PKHD1L1: variants seen among roughly 807,000 people sequenced by gnomAD.
The protein encoded by PKHD1L1 is fibrocystin-L.
A neutral mutation model predicts 462.9 loss-of-function variants in PKHD1L1; 434 were observed. The ratio of observed to expected loss-of-function variants is 0.94; its 90% CI spans 0.87 to 1.02. PKHD1L1 has a LOEUF of 1.02. PKHD1L1 is among the 50% of genes least tolerant of loss of function. PKHD1L1 has a pLI of 0.00. For missense variants in PKHD1L1, 5,202 were observed against 5,096.1 expected (o/e 1.02, Z -0.63); for synonymous variants, 1,781 against 1,750.0 (o/e 1.02, Z -0.44).
At chr8:109,395,432 T>C (rs997020121) in intron 10 of PKHD1L1, among the ~76,000 whole-genome samples, 3 of 152,224 alleles carry the variant, frequency 2.0e-5, no homozygotes, top group Admixed American at 6.5e-5. Flanking sequence ...ATGTGATAAC[T>C]TTTTGTGAAT....
intron 7 of PKHD1L1, 27 bp downstream of exon 7, chr8:109,388,577 C>T: frequency 2.8e-6 from 4 of 1,440,218 alleles, no homozygotes; most frequent in African/African-American, 1.4e-5. Context: ...ATTTTCTTTA[C>T]AAAAACAAAT....
At chr8:109,479,207 C>T (rs1432016929) in intron 53 of PKHD1L1, among the ~76,000 whole-genome samples, 2 of 152,102 alleles carry the variant, frequency 1.3e-5, no homozygotes, top group Non-Finnish European at 2.9e-5. Context: ...TCTGTCCTCC[C>T]ATACACTTGA....
chr8:109,368,211 G>A (rs576188628), intron 2 of PKHD1L1, among the ~76,000 whole-genome samples: 90 of 152,100 alleles, frequency 5.9e-4, no homozygotes, highest in Non-Finnish European at 8.5e-4. Context: ...TTTACTTTTG[G>A]CTCCTTTTTC....
At chr8:109,434,154 C>T (rs116842945) in intron 28 of PKHD1L1, among the ~76,000 whole-genome samples, 9 of 152,034 alleles carry the variant, frequency 5.9e-5, no homozygotes, top group Admixed American at 1.3e-4. Flanking sequence ...ATGTAGGTGA[C>T]GGGTTAATGG....
chr8:109,501,499 G>T (rs900758389), intron 67 of PKHD1L1, among the ~76,000 whole-genome samples: 1 of 152,188 alleles, frequency 6.6e-6, no homozygotes, highest in Admixed American at 6.5e-5. Flanking sequence ...TTCCAGGGTG[G>T]AATAAATCTG....
chr8:109,476,536 A>G lies in PKHD1L1; in HGVS notation c.8786A>G (p.Asn2929Ser). ...GAAGACTATGTAATTATATCACATA[A>G]CTTCACTCAAAATCCTGACATGTTT... is the stretch of plus-strand genomic sequence containing the variant. ...KEEDYVIISH[N>S]FTQNPDMFNI... The change falls in exon 52 of 78, where the codon AAC becomes AGC. Residue 2929 changes from asparagine (N) to serine (S), a missense_variant. Asn to Ser is a conservative substitution (Grantham distance 46, BLOSUM62 1). Around this residue, in one of 3 missense-constraint regions of PKHD1L1, gnomAD observed 4,497 missense variants for 4,336.8 expected, o/e 1.04. Transcript: ENST00000378402. 1 of 1,513,640 alleles carries G rather than the reference A, an allele frequency of 6.6e-7. No homozygotes were observed. The allele number at this position is 1,513,640 out of a possible 1,614,324, so 93.8% of individuals were successfully genotyped here. A position where few individuals can be genotyped will look rare whatever the true frequency, so the allele number is the denominator to read the frequency against.
Position 109,508,216 on chromosome 8 carries a change from C to T in PKHD1L1, c.11347C>T (p.Leu3783Phe). The T allele has an allele frequency of 6.2e-7, 1 of 1,613,130 alleles. No homozygotes were observed. The highest frequency in any genetic ancestry group is 1.7e-5 in the Admixed American group (1 of 59,904). ...GGATCCTGACACAGAAACTCGAAGA[C>T]TTTCCCCAGTGGCTATAATGGGCAA... ...SLDPDTETRR[L>F]SPVAIMGNGY... Residue 3783 changes from leucine (L) to phenylalanine (F), a missense_variant, in exon 70 of 78, where the codon CTT becomes TTT. Leu to Phe is a conservative substitution (Grantham distance 22). Coordinates refer to ENST00000378402, the MANE Select transcript of PKHD1L1 (RefSeq NM_177531.6).
At chr8:109,490,861 G>C in intron 60 of PKHD1L1, 111 bp from the exon 61 acceptor site, 1 of 907,852 alleles carries the variant, frequency 1.1e-6, no homozygotes. Flanking sequence ...AAAGTGAATT[G>C]AGTATTGATT....
chr8:109,416,925 C>T (rs1212042752), intron 21 of PKHD1L1, among the ~76,000 whole-genome samples: 1 of 152,148 alleles, frequency 6.6e-6, no homozygotes, highest in African/African-American at 2.4e-5. Context: ...ACTTTTGATG[C>T]CTATCGCCCT....
chr8:109,522,449 C>G, intron 74 of PKHD1L1, 112 bp downstream of exon 74: 1 of 1,220,494 alleles, frequency 8.2e-7, no homozygotes, highest in Non-Finnish European at 1.1e-6. Context: ...GCAGGCATGT[C>G]TTTCTTATTT....
Position 109,510,898 on chromosome 8 carries a change from T to A in PKHD1L1, c.11517T>A (p.Asn3839Lys), listed in dbSNP as rs1819940144. ...EVYFTGTSPQ[N>K]LRLMLLNVDH... ...ACTTCACTGGCACCAGTCCTCAGAA[T>A]CTTCGACTGATGTTGCTTAATGTTG... Residue 3839 changes from asparagine (N) to lysine (K), a missense_variant, in exon 71 of 78, where the codon AAT (asparagine) becomes AAA (lysine). This residue lies in a region of PKHD1L1 where 698 missense variants were observed against 736.3 expected (regional missense o/e 0.95). Transcript: ENST00000378402. 2.5e-6 allele frequency: 4 copies of A among 1,613,084 alleles called. No homozygotes were observed. The highest frequency in any genetic ancestry group is 3.4e-6 in the Non-Finnish European group (4 of 1,179,412).
chr8:109,514,120 G>T (rs2131000597), intron 71 of PKHD1L1, among the ~76,000 whole-genome samples: 1 of 152,072 alleles, frequency 6.6e-6, no homozygotes, highest in Middle Eastern at 3.4e-3. Flanking sequence ...TGAGCTCCTT[G>T]CTGTTCCTAC....
intron 9 of PKHD1L1, among the ~76,000 whole-genome samples, chr8:109,393,302 T>C (rs1812798027): frequency 6.6e-6 from 1 of 152,030 alleles, no homozygotes; most frequent in East Asian, 1.9e-4. Flanking sequence ...ACATTATTCT[T>C]TTAGATTCTA....
intron 23 of PKHD1L1, among the ~76,000 whole-genome samples, chr8:109,423,849 A>G (rs1034852641): frequency 1.1e-4 from 17 of 152,282 alleles, no homozygotes; most frequent in African/African-American, 4.1e-4. Flanking sequence ...TGCAATTTTC[A>G]GTTCAGGTCT....
chr8:109,481,451 G>A lies in PKHD1L1; in HGVS notation c.9346G>A (p.Gly3116Ser). 1 of 1,598,182 alleles carries A rather than the reference G, an allele frequency of 6.3e-7. No individual in the cohort carries two copies. The highest frequency in any genetic ancestry group is 8.5e-7 in the Non-Finnish European group (1 of 1,171,574). Reference protein sequence around the residue: ...ISLQGGRLIGGWEDNPFKGDL... With the variant: ...ISLQGGRLIGSWEDNPFKGDL... ...ATTTCAGGGAGGTAGATTAATCGGT[G>A]GCTGGGAAGATAACCCTTTTAAAGG... is the stretch of plus-strand genomic sequence containing the variant. The change falls in exon 56 of 78, where the codon GGC becomes AGC. Residue 3116 changes from glycine to serine, a missense_variant. Physicochemically the swap from Gly to Ser is moderately conservative, Grantham distance 56 (BLOSUM62 0). Around this residue, in one of 3 missense-constraint regions of PKHD1L1, gnomAD observed 4,497 missense variants for 4,336.8 expected, o/e 1.04. Transcript: ENST00000378402.
chr8:109,471,915 T>A (rs1817743449), intron 50 of PKHD1L1, among the ~76,000 whole-genome samples: 1 of 152,212 alleles, frequency 6.6e-6, no homozygotes, highest in Non-Finnish European at 1.5e-5. Flanking sequence ...GAATCTATAA[T>A]GTCAGCTTAT....
At chr8:109,506,713 G>A (rs565118717) in intron 68 of PKHD1L1, among the ~76,000 whole-genome samples, 1 of 152,206 alleles carries the variant, frequency 6.6e-6, no homozygotes, top group African/African-American at 2.4e-5. Flanking sequence ...TGTATATTAT[G>A]TAAGGAATAA....
intron 62 of PKHD1L1, among the ~76,000 whole-genome samples, 154 bp from the exon 63 acceptor site, chr8:109,493,507 G>C (rs1294833129): frequency 6.6e-6 from 1 of 151,714 alleles, no homozygotes; most frequent in Non-Finnish European, 1.5e-5. Context: ...TTGTAATTAA[G>C]TTTGAATGGG....
In PKHD1L1 at chr8:109,530,178, C is replaced by A; in HGVS notation, c.*88C>A. The A allele has an allele frequency of 2.7e-6, 2 of 733,994 alleles. No individual in the cohort carries two copies. The highest frequency in any genetic ancestry group is 4.2e-5 in the South Asian group (1 of 23,956). 45.5% of individuals were successfully genotyped at this position (733,994 alleles called of 1,614,324 possible). A position where few individuals can be genotyped will look rare whatever the true frequency, so the allele number is the denominator to read the frequency against. On this transcript the variant is annotated 3_prime_UTR_variant, in exon 78 of 78. Coordinates refer to ENST00000378402, the MANE Select transcript of PKHD1L1 (RefSeq NM_177531.6). ...AATAGGCAAAAGTCTATAGCATTTT[C>A]ATGAAAATATACTAAAAATATTTTT... is the stretch of plus-strand genomic sequence containing the variant.
Sources: allele counts gnomAD v4.1 joint callset (sites outside exome capture counted in the v4.1 genomes callset), GRCh38; gene constraint gnomAD v4.1.1; regional missense constraint gnomAD v4.1.1; transcripts MANE v1.5; gene names NCBI Gene and HGNC (gene_info 2026-07-23, HGNC 2026-07-21).